FHL1: variants seen among roughly 807,000 people sequenced by gnomAD.
FHL1 encodes the protein four and a half LIM domains 1, also known as four and a half LIM domains protein 1.
A neutral mutation model predicts 20.3 loss-of-function variants in FHL1; 1 was observed. The ratio of observed to expected loss-of-function variants is 0.05; its 90% CI spans 0.02 to 0.23. FHL1 has a LOEUF of 0.23. Among genes scored for constraint, FHL1 ranks in the 10% least tolerant of loss-of-function variants. The probability of loss-of-function intolerance (pLI) is 1.00; values close to 1 mark genes in which losing one functional copy is unlikely to be tolerated. For missense variants in FHL1, 177 were observed against 234.0 expected, an observed-to-expected ratio of 0.76 and a Z score of 1.59; for synonymous variants, 82 against 88.9, an observed-to-expected ratio of 0.92 and a Z score of 0.44.
Position 136,204,819 on chromosome X carries a change from T to C in FHL1, c.23-1588T>C, listed in dbSNP as rs1015669653. ...GGTGTGGTTTCCTTAGCTCACTCTCTGCTGTTTGGTTGCTCATGGCAACAA... is the reference window on the plus strand; with the variant it reads ...GGTGTGGTTTCCTTAGCTCACTCTCCGCTGTTTGGTTGCTCATGGCAACAA... On this transcript the variant is annotated intron_variant, in intron 1 of 5. Coordinates refer to ENST00000370683, the MANE Select transcript of FHL1 (RefSeq NM_001159699.2). 9.8e-5 allele frequency: 11 copies of C among 112,184 alleles called. No individual in the cohort carries two copies. In the East Asian group the frequency reaches 2.5e-3, roughly 26 times the overall value. 9.2% of individuals were successfully genotyped at this position (112,184 alleles called of 1,213,427 possible). A position where few individuals can be genotyped will look rare whatever the true frequency, so the allele number is the denominator to read the frequency against.
At chrX:136,172,021 C>A (rs138726076) in intron 2 of FHL1, among the ~76,000 whole-genome samples, 1 of 110,693 alleles carries the variant, frequency 9.0e-6, no homozygotes. Context: ...TCCCAAATAC[C>A]TGGGATTACA....
chrX:136,192,225 T>TTTC (rs1414173580), upstream of FHL1, among the ~76,000 whole-genome samples: 3 of 111,978 alleles, frequency 2.7e-5, no homozygotes, highest in African/African-American at 9.7e-5. Context: ...ATCCTAGGCA[T>TTTC]GCTCTGAAAG....
chrX:136,202,906 G>A (rs925587467), intron 1 of FHL1, among the ~76,000 whole-genome samples: 1 of 112,331 alleles, frequency 8.9e-6, no homozygotes, highest in Non-Finnish European at 1.9e-5. Flanking sequence ...AGTTGTTTTG[G>A]TCTTGTGCAC....
chrX:136,209,941 A>C lies in FHL1; in HGVS notation c.807A>C (p.Lys269Asn). The C allele has an allele frequency of 8.3e-7, 1 of 1,211,331 alleles. No homozygotes were observed. The highest frequency in any genetic ancestry group is 1.1e-6 in the Non-Finnish European group (1 of 895,437). Residue 269 changes from lysine to asparagine, a missense_variant, in exon 6 of 6, where the codon AAA becomes AAC. Physicochemically the swap from Lys to Asn is moderately conservative, Grantham distance 94. Transcript: ENST00000370683. ...GGCACGACTACTGCTTCCACTGCAA[A>C]AAATGCTCCGTGAATCTGGCCAACA... The part of the protein sequence containing the change: ...QSWHDYCFHC[K>N]KCSVNLANKR...
intron 1 of FHL1, among the ~76,000 whole-genome samples, chrX:136,200,821 G>A (rs1202799022): frequency 8.9e-6 from 1 of 112,009 alleles, no homozygotes; most frequent in African/African-American, 3.2e-5. Flanking sequence ...AAGGCAGAGG[G>A]AGAAGCCAAG....
At chrX:136,148,327 G>A (rs1484973358) in intron 1 of FHL1, 1 of 92,296 alleles carries the variant, frequency 1.1e-5, no homozygotes, top group African/African-American at 4.1e-5. Flanking sequence ...GGATGGGGGT[G>A]GGGTGCAGAA....
intron 2 of FHL1, 43 bp from the exon 3 acceptor site, chrX:136,206,973 C>T (rs1322202739): frequency 8.3e-7 from 1 of 1,200,783 alleles, no homozygotes. Flanking sequence ...CCACCACCCC[C>T]AGCACCCCTC....
intron 1 of FHL1, among the ~76,000 whole-genome samples, chrX:136,205,771 A>G (rs896368385): frequency 1.8e-5 from 2 of 111,789 alleles, no homozygotes; most frequent in Admixed American, 1.9e-4. Context: ...TTTTATAGAT[A>G]GGAGGAACGG....
At chrX:136,146,716 G>C (rs1454629389), upstream of FHL1, 5 of 321,465 alleles carry the variant, frequency 1.6e-5, no homozygotes, top group South Asian at 1.4e-4. Flanking sequence ...AGACAACGCT[G>C]TTATCACCAG....
upstream of FHL1, among the ~76,000 whole-genome samples, chrX:136,196,327 T>G (rs2073554702): frequency 8.9e-6 from 1 of 112,247 alleles, no homozygotes; most frequent in Non-Finnish European, 1.9e-5. Flanking sequence ...TGTTGAGCTA[T>G]TACAACATTT....
chrX:136,196,379 T>C (rs1203087593), upstream of FHL1, among the ~76,000 whole-genome samples: 1 of 112,040 alleles, frequency 8.9e-6, no homozygotes, highest in African/African-American at 3.2e-5. Flanking sequence ...TTCCTTTTAT[T>C]GTCCCTGATG....
At position 136,183,065 on chromosome X, in the gene FHL1, C is replaced by T. The variant is rs746748588; in HGVS notation, c.-27+13085C>T. Among the ~76,000 whole-genome samples the T allele has an allele frequency of 2.3e-3, 247 of 105,841 alleles. 1 individual carries two copies. Among genetic ancestry groups the T allele is most frequent in the South Asian group, 3.5e-3 (8 of 2,255 alleles). 91.9% of individuals were successfully genotyped at this position (105,841 alleles called of 115,157 possible). A position where few individuals can be genotyped will look rare whatever the true frequency, so the allele number is the denominator to read the frequency against. On this transcript the variant is annotated intron_variant, in intron 2 of 6. Transcript: ENST00000394153. ...TGAGCCAAGATTGCGCCACTGCACTCCAGCCTGGGCGACAGAGCGAGACTG... is the reference window on the plus strand; with the variant it reads ...TGAGCCAAGATTGCGCCACTGCACTTCAGCCTGGGCGACAGAGCGAGACTG...
chrX:136,171,664 G>A (rs907639139), intron 2 of FHL1, among the ~76,000 whole-genome samples: 3 of 111,968 alleles, frequency 2.7e-5, no homozygotes, highest in South Asian at 3.7e-4. Context: ...GAAACCATGT[G>A]TAAAAGGGCT....
upstream of FHL1, chrX:136,146,991 C>T (rs369009611): frequency 1.6e-3 from 521 of 317,376 alleles, 5 homozygotes; most frequent in South Asian, 0.014. Context: ...CGAAGCGGGG[C>T]CGCTTTTCAG....
At chrX:136,180,832 C>T (rs1462190255) in intron 2 of FHL1, among the ~76,000 whole-genome samples, 1 of 110,642 alleles carries the variant, frequency 9.0e-6, no homozygotes, top group African/African-American at 3.3e-5. Context: ...ACCTCTGTCT[C>T]CCAGGTTGAA....
rs920051209 is a variant in FHL1, at chrX:136,174,334, C to T, written c.-27+4354C>T. Among the ~76,000 whole-genome samples the T allele has an allele frequency of 3.6e-5, 4 of 111,661 alleles. No homozygotes were observed. The South Asian group carries it at 1.1e-3, about 31-fold the overall frequency. On this transcript the variant is annotated intron_variant, in intron 2 of 6. Coordinates refer to the FHL1 transcript ENST00000394153. ...CCTGATTAAGAAAAGGATACATCGA[C>T]AGGTACGGGTGATTTATTTTATTCT...
At chrX:136,158,678 A>G (rs1201469663) in intron 1 of FHL1, among the ~76,000 whole-genome samples, 4 of 111,600 alleles carry the variant, frequency 3.6e-5, no homozygotes, top group Non-Finnish European at 7.5e-5. Flanking sequence ...TTCGAGCTGT[A>G]CTGGAAATTG....
chrX:136,186,877 TATATAGATAG>T (rs202235977), intron 2 of FHL1, among the ~76,000 whole-genome samples: 672 of 7,505 alleles, frequency 0.09, 24 homozygotes, highest in East Asian at 0.51. Flanking sequence ...TATATATATA[TATATAGATAG>T]ATAGATAGAT....
At position 136,170,920 on chromosome X, in the gene FHL1, C is replaced by T. The variant is rs1156554622; in HGVS notation, c.-27+940C>T. ...GATTTCAGTTAGGGTACATGCTCAG[C>T]AGGTGACAAGAATTGCCTTTGTTAT... On this transcript the variant is annotated intron_variant, in intron 2 of 6. Coordinates refer to the FHL1 transcript ENST00000394153. Among the ~76,000 whole-genome samples the T allele has an allele frequency of 3.6e-5, 4 of 111,876 alleles. 1 individual carries two copies. In the Middle Eastern group the frequency reaches 0.014, roughly 388 times the overall value.
Sources: gnomAD v4.1 joint callset for allele counts (sites outside exome capture counted in the v4.1 genomes callset) on GRCh38, gnomAD v4.1.1 for gene constraint, MANE v1.5 for transcripts, NCBI Gene and HGNC (gene_info 2026-07-23, HGNC 2026-07-21) for gene names.